MED15: variants seen among roughly 807,000 people sequenced by gnomAD.
MED15 encodes mediator of RNA polymerase II transcription subunit 15.
Under a neutral mutation model 118.7 loss-of-function variants are expected in MED15, and 41 were observed. The observed-to-expected ratio is 0.35, with a 90% CI of 0.27 to 0.45. The LOEUF is 0.45. MED15 is among the 20% of genes least tolerant of loss of function. The pLI, the probability that MED15 is intolerant of heterozygous loss-of-function variation, is 1.00. For missense variants in MED15, 740 were observed against 1,025.5 expected, an observed-to-expected ratio of 0.72 and a Z score of 3.80; for synonymous variants, 436 against 413.9, an observed-to-expected ratio of 1.05 and a Z score of -0.65.
intron 13 of MED15, 117 bp from the exon 14 acceptor site, chr22:20,584,241 TG>T: frequency 2.0e-6 from 2 of 1,003,170 alleles, no homozygotes; most frequent in Non-Finnish European, 3.1e-6. Flanking sequence ...GCTGGTCAAC[TG>T]GTAGGAGCTC....
At chr22:20,523,677 G>A (rs772762789) in intron 1 of MED15, 191 of 985,224 alleles carry the variant, frequency 1.9e-4, no homozygotes, top group Non-Finnish European at 2.1e-4. Flanking sequence ...GACACTTTCA[G>A]GCGAGACCTA....
chr22:20,511,337 C>G (rs979963623), intron 1 of MED15, among the ~76,000 whole-genome samples: 4 of 151,604 alleles, frequency 2.6e-5, no homozygotes, highest in African/African-American at 9.7e-5. Context: ...TAAACAAATA[C>G]AACAATCAGC....
At chr22:20,557,704 C>G (rs1386788606) in intron 5 of MED15, among the ~76,000 whole-genome samples, 1 of 152,170 alleles carries the variant, frequency 6.6e-6, no homozygotes, top group East Asian at 1.9e-4. Flanking sequence ...GTCAGAAGTT[C>G]AGTGGTGAAG....
At chr22:20,584,771 T>C in intron 14 of MED15, 84 bp from the exon 15 acceptor site, 1 of 1,518,586 alleles carries the variant, frequency 6.6e-7, no homozygotes, top group Non-Finnish European at 9.0e-7. Flanking sequence ...TGACTGTGAG[T>C]GACCATGGGC....
intron 2 of MED15, among the ~76,000 whole-genome samples, chr22:20,550,226 G>A (rs762270417): frequency 1.3e-5 from 2 of 152,042 alleles, no homozygotes; most frequent in Non-Finnish European, 2.9e-5. Flanking sequence ...CCCTTCACAC[G>A]CACATCAGCT....
intron 1 of MED15, among the ~76,000 whole-genome samples, chr22:20,535,838 C>T (rs201907241): frequency 2.7e-5 from 4 of 146,716 alleles, no homozygotes; most frequent in South Asian, 2.2e-4. Flanking sequence ...GGACTACAGG[C>T]GTGAGCCACC....
intron 12 of MED15, 21 bp from the exon 13 acceptor site, chr22:20,583,309 G>A (rs1381726594): frequency 6.2e-7 from 1 of 1,613,596 alleles, no homozygotes; most frequent in Middle Eastern, 1.7e-4. Context: ...GTGTCTTAGT[G>A]TGTACCCTCT....
chr22:20,548,846 G>T (rs890807428), intron 2 of MED15, among the ~76,000 whole-genome samples: 1 of 152,114 alleles, frequency 6.6e-6, no homozygotes. Flanking sequence ...TCACTCTGTC[G>T]CCCAAGCTGG....
chr22:20,557,920 C>CACGGTGAGCCAGAG (rs1454678212), intron 5 of MED15, among the ~76,000 whole-genome samples: 2 of 152,166 alleles, frequency 1.3e-5, no homozygotes, highest in Non-Finnish European at 2.9e-5. Context: ...TCCTGGCTAA[C>CACGGTGAGCCAGAG]ACGGTGAGAC....
At chr22:20,528,958 C>T (rs1315536291) in intron 1 of MED15, among the ~76,000 whole-genome samples, 1 of 152,168 alleles carries the variant, frequency 6.6e-6, no homozygotes, top group Non-Finnish European at 1.5e-5. Context: ...ATCTTTCACC[C>T]TCTGTCCCAG....
rs766697759 is a variant in MED15 at position 20,586,694 on chromosome 22, C to T, written c.2357C>T (p.Ser786Leu). Residue 786 changes from serine to leucine, a missense_variant, in exon 18 of 18, where the codon TCA (serine) becomes TTA (leucine). Ser to Leu is a moderately radical substitution (Grantham distance 145). This residue lies in a region of MED15 where 179 missense variants were observed against 259.0 expected (regional missense o/e 0.69). Coordinates refer to ENST00000263205, the MANE Select transcript of MED15 (RefSeq NM_001003891.3). ...CAGAGCGTCCACCAGGCCTGCCTCT[C>T]AGCCGCCTAGCCAAGACTGCAGGGA... Reference protein sequence around the residue: ...WAQSVHQACLSAA With the variant: ...WAQSVHQACLLAA The T allele has an allele frequency of 2.5e-5, 41 of 1,612,450 alleles. No homozygotes were observed. Among genetic ancestry groups the T allele is most frequent in the Non-Finnish European group, 3.3e-5 (39 of 1,179,948 alleles).
rs2057144048 is a variant in MED15, at chr22:20,586,632, C to G, written c.2295C>G (p.Asp765Glu). Residue 765 changes from aspartate to glutamate, a missense_variant, in exon 18 of 18, where the codon GAC becomes GAG. Physicochemically the swap from Asp to Glu is conservative, Grantham distance 45. Coordinates refer to ENST00000263205, the MANE Select transcript of MED15 (RefSeq NM_001003891.3). ...CCTCCAGGCTGCTGCAGCTCCCGGA[C>G]AAGCACTCGGTCACCGCCTTGCTCA... ...CMTSRLLQLPDKHSVTALLNT... is the reference protein window; with the variant it reads ...CMTSRLLQLPEKHSVTALLNT... The G allele has an allele frequency of 1.2e-6, 2 of 1,613,060 alleles. No individual in the cohort carries two copies. The highest frequency in any genetic ancestry group is 2.7e-5 in the African/African-American group (2 of 75,036).
intron 2 of MED15, among the ~76,000 whole-genome samples, chr22:20,544,669 A>AAAC (rs2055453486): frequency 1.3e-5 from 2 of 151,904 alleles, no homozygotes. Flanking sequence ...CTGTCTCAAA[A>AAAC]AAACAAACAA....
At chr22:20,523,539 A>G in intron 1 of MED15, 1 of 442,174 alleles carries the variant, frequency 2.3e-6, no homozygotes, top group Non-Finnish European at 3.0e-6. Flanking sequence ...TTCAACTGTG[A>G]GTACTTGAGT....
chr22:20,561,891 T>G (rs1270711422), intron 5 of MED15, among the ~76,000 whole-genome samples: 2 of 152,158 alleles, frequency 1.3e-5, no homozygotes, highest in Non-Finnish European at 2.9e-5. Flanking sequence ...CTTGAGATGC[T>G]GAGGTAAGAG....
chr22:20,523,587 A>C, intron 1 of MED15: 3 of 927,116 alleles, frequency 3.2e-6, no homozygotes, highest in South Asian at 5.0e-5. Context: ...CACCCCCACC[A>C]AATACCACAG....
rs554109591 is a variant in MED15, at chr22:20,523,679, C to T, written c.69-13438C>T. The T allele has an allele frequency of 1.2e-5, 12 of 985,338 alleles. No individual in the cohort carries two copies. The South Asian group carries it at 1.4e-4, about 12-fold the overall frequency. The allele number at this position is 985,338 out of a possible 1,614,324, so 61.0% of individuals were successfully genotyped here. A position where few individuals can be genotyped will look rare whatever the true frequency, so the allele number is the denominator to read the frequency against. On this transcript the variant is annotated intron_variant, in intron 1 of 17. Coordinates refer to ENST00000263205, the MANE Select transcript of MED15 (RefSeq NM_001003891.3). Reference sequence around the variant, plus strand: ...TGGTGGTGAATGGGACACTTTCAGGCGAGACCTAGGGGAGCCCCAGGCCAG... The same window carrying T: ...TGGTGGTGAATGGGACACTTTCAGGTGAGACCTAGGGGAGCCCCAGGCCAG...
chr22:20,568,770 C>A, intron 8 of MED15, 139 bp downstream of exon 8: 1 of 1,406,160 alleles, frequency 7.1e-7, no homozygotes, highest in South Asian at 1.4e-5. Flanking sequence ...CTCCCCCTTG[C>A]ACTCTGCAAG....
intron 2 of MED15, among the ~76,000 whole-genome samples, chr22:20,539,458 A>G (rs2055205899): frequency 6.6e-6 from 1 of 152,250 alleles, no homozygotes; most frequent in South Asian, 2.1e-4. Flanking sequence ...GGATGGCCAT[A>G]TCACATATTT....
Sources: allele counts gnomAD v4.1 joint callset (sites outside exome capture counted in the v4.1 genomes callset), GRCh38; gene constraint gnomAD v4.1.1; regional missense constraint gnomAD v4.1.1; transcripts MANE v1.5; gene names NCBI Gene and HGNC (gene_info 2026-07-23, HGNC 2026-07-21).